Variants in PDE4D observed in about 807,000 individuals in gnomAD.
The protein encoded by PDE4D is phosphodiesterase 4D.
Under a neutral mutation model 87.4 loss-of-function variants are expected in PDE4D, and 24 were observed. The observed-to-expected ratio is 0.27, with a 90% CI of 0.20 to 0.39. The LOEUF is 0.39. PDE4D is among the 10% of genes least tolerant of loss of function. PDE4D has a pLI of 1.00. For missense variants in PDE4D, 714 were observed against 1,041.0 expected (o/e 0.69, Z 4.32); for synonymous variants, 384 against 383.2 (o/e 1.00, Z -0.02).
chr5:60,354,508 CGCCAATCATAGCA>C (rs1167346443), intron 1 of PDE4D, among the ~76,000 whole-genome samples: 2 of 152,164 alleles, frequency 1.3e-5, no homozygotes, highest in African/African-American at 4.8e-5. Flanking sequence ...ACTGTTTCTC[CGCCAATCATAGCA>C]GCCAAATCCT....
intron 1 of PDE4D, among the ~76,000 whole-genome samples, chr5:59,614,946 C>T (rs943691420): frequency 1.3e-4 from 20 of 151,902 alleles, no homozygotes; most frequent in Non-Finnish European, 2.5e-4. Context: ...TCTCAGGCCT[C>T]AGCCTCCTGA....
At chr5:59,865,982 G>T (rs1746970504) in intron 1 of PDE4D, among the ~76,000 whole-genome samples, 1 of 152,206 alleles carries the variant, frequency 6.6e-6, no homozygotes, top group Non-Finnish European at 1.5e-5. Flanking sequence ...ATTCCTTTAA[G>T]CCCTGACTAT....
intron 1 of PDE4D, among the ~76,000 whole-genome samples, chr5:59,358,051 C>T (rs1781659200): frequency 6.6e-6 from 1 of 152,154 alleles, no homozygotes; most frequent in Admixed American, 6.5e-5. Context: ...CTCTAAAGCT[C>T]AATCTGTCTC....
At chr5:59,382,755 T>G (rs1349778386) in intron 1 of PDE4D, among the ~76,000 whole-genome samples, 1 of 152,200 alleles carries the variant, frequency 6.6e-6, no homozygotes. Flanking sequence ...GAAAAGGTTT[T>G]GGGGTCAGAC....
At chr5:59,805,942 A>C (rs1005067159) in intron 1 of PDE4D, among the ~76,000 whole-genome samples, 1 of 152,178 alleles carries the variant, frequency 6.6e-6, no homozygotes, top group Non-Finnish European at 1.5e-5. Context: ...AGTCTCTGCC[A>C]CTGTTTCCAG....
chr5:59,433,599 C>A (rs1254832046), intron 1 of PDE4D, among the ~76,000 whole-genome samples: 2 of 151,906 alleles, frequency 1.3e-5, no homozygotes, highest in Admixed American at 6.6e-5. Flanking sequence ...TTAGAGCTAC[C>A]ATCCATACCA....
At chr5:59,058,285 A>G (rs1282220124) in intron 5 of PDE4D, among the ~76,000 whole-genome samples, 1 of 152,150 alleles carries the variant, frequency 6.6e-6, no homozygotes, top group African/African-American at 2.4e-5. Context: ...ATGCTCTGAG[A>G]TGTCACATGA....
chr5:59,201,172 TA>T (rs986007448), intron 2 of PDE4D, among the ~76,000 whole-genome samples: 7 of 152,142 alleles, frequency 4.6e-5, no homozygotes, highest in Admixed American at 6.5e-5. Context: ...CATTCATTTT[TA>T]AAAAGCTACT....
At chr5:59,162,431 A>G (rs1781239435) in intron 5 of PDE4D, among the ~76,000 whole-genome samples, 1 of 152,182 alleles carries the variant, frequency 6.6e-6, no homozygotes, top group African/African-American at 2.4e-5. Flanking sequence ...TTGACCAAGG[A>G]TTGCCTTCTA....
chr5:59,032,632 G>A (rs1757772210), intron 6 of PDE4D, among the ~76,000 whole-genome samples: 1 of 152,206 alleles, frequency 6.6e-6, no homozygotes, highest in Non-Finnish European at 1.5e-5. Flanking sequence ...TTAAAGAATA[G>A]AAAAGTCATG....
intron 2 of PDE4D, among the ~76,000 whole-genome samples, chr5:59,201,620 C>G (rs757626729): frequency 6.6e-6 from 1 of 152,072 alleles, no homozygotes; most frequent in Non-Finnish European, 1.5e-5. Context: ...GGATATGGAT[C>G]CTCTGTATTG....
At chr5:59,114,769 T>C (rs1455219272) in intron 5 of PDE4D, among the ~76,000 whole-genome samples, 1 of 150,712 alleles carries the variant, frequency 6.6e-6, no homozygotes, top group Non-Finnish European at 1.5e-5. Flanking sequence ...TGATGAGAAA[T>C]GAACTGAAAA....
At chr5:60,238,264 G>A (rs1477100864) in intron 1 of PDE4D, among the ~76,000 whole-genome samples, 1 of 151,782 alleles carries the variant, frequency 6.6e-6, no homozygotes, top group African/African-American at 2.4e-5. Context: ...TATGCTGTAA[G>A]TCCATTGCAC....
intron 5 of PDE4D, among the ~76,000 whole-genome samples, chr5:59,117,085 C>T (rs1254537965): frequency 3.9e-5 from 6 of 152,244 alleles, no homozygotes; most frequent in South Asian, 2.1e-4. Flanking sequence ...AATTTCTCTA[C>T]GTTTAGCCAC....
At chr5:59,388,114 G>A (rs777911030) in intron 1 of PDE4D, among the ~76,000 whole-genome samples, 6 of 151,976 alleles carry the variant, frequency 3.9e-5, no homozygotes, top group Non-Finnish European at 7.4e-5. Context: ...GATCCCAAAT[G>A]ACAGGATTTC....
intron 1 of PDE4D, among the ~76,000 whole-genome samples, chr5:59,467,026 G>A (rs1469332649): frequency 1.3e-5 from 2 of 152,140 alleles, no homozygotes; most frequent in African/African-American, 4.8e-5. Context: ...ATGTGACGTT[G>A]TTATAAGAGG....
chr5:59,869,156 C>A (rs1287753214), intron 1 of PDE4D, among the ~76,000 whole-genome samples: 1 of 152,134 alleles, frequency 6.6e-6, no homozygotes, highest in Non-Finnish European at 1.5e-5. Context: ...TGAAAAAAAT[C>A]TCATAAGCTG....
chr5:59,848,128 A>AT (rs1220043838), intron 1 of PDE4D, among the ~76,000 whole-genome samples: 1 of 151,954 alleles, frequency 6.6e-6, no homozygotes, highest in Non-Finnish European at 1.5e-5. Flanking sequence ...CCCTAAAGCT[A>AT]TTTTTTTATT....
intron 1 of PDE4D, among the ~76,000 whole-genome samples, chr5:59,541,735 A>T (rs540625158): frequency 1.3e-5 from 2 of 152,350 alleles, no homozygotes; most frequent in East Asian, 3.9e-4. Context: ...TCCATTTTGC[A>T]AGTCTATCAA....
Sources: allele counts gnomAD v4.1 joint callset (sites outside exome capture counted in the v4.1 genomes callset), GRCh38; gene constraint gnomAD v4.1.1; transcripts MANE v1.5; gene names NCBI Gene and HGNC (gene_info 2026-07-23, HGNC 2026-07-21).